TRAK1: variants seen among roughly 807,000 people sequenced by gnomAD.
The protein encoded by TRAK1 is trafficking kinesin protein 1, also known as trafficking kinesin-binding protein 1.
A neutral mutation model predicts 92.1 loss-of-function variants in TRAK1; 33 were observed. The ratio of observed to expected loss-of-function variants is 0.36; its 90% CI spans 0.27 to 0.48. The LOEUF is 0.48. TRAK1 is among the 20% of genes least tolerant of loss of function. The pLI, the probability that TRAK1 is intolerant of heterozygous loss-of-function variation, is 0.99. For synonymous variants in TRAK1, 521 were observed against 517.3 expected, an observed-to-expected ratio of 1.01 and a Z score of -0.10; for missense variants, 1,123 against 1,257.9, an observed-to-expected ratio of 0.89 and a Z score of 1.62.
intron 1 of TRAK1, among the ~76,000 whole-genome samples, chr3:42,071,339 G>A (rs1034157427): frequency 6.6e-6 from 1 of 152,182 alleles, no homozygotes; most frequent in South Asian, 2.1e-4. Flanking sequence ...GCTGTTTTTG[G>A]GTGGATAAGG....
chr3:42,055,095 T>G (rs933440993), intron 1 of TRAK1, among the ~76,000 whole-genome samples: 1 of 152,000 alleles, frequency 6.6e-6, no homozygotes, highest in East Asian at 1.9e-4. Context: ...AATTTTTGTA[T>G]TTTTAGTAGA....
chr3:42,037,053 C>G (rs1459913881), intron 1 of TRAK1, among the ~76,000 whole-genome samples: 1 of 152,062 alleles, frequency 6.6e-6, no homozygotes, highest in African/African-American at 2.4e-5. Context: ...ATCTCATACT[C>G]TTAGGCTCCA....
At chr3:42,200,675 G>A in intron 11 of TRAK1, 143 bp from the exon 12 acceptor site, 1 of 761,648 alleles carries the variant, frequency 1.3e-6, no homozygotes, top group Non-Finnish European at 2.2e-6. Context: ...CTAAGAAACA[G>A]GTGGCAGGCA....
At chr3:42,067,897 C>T (rs1220157381) in intron 1 of TRAK1, among the ~76,000 whole-genome samples, 5 of 152,070 alleles carry the variant, frequency 3.3e-5, no homozygotes, top group South Asian at 2.1e-4. Flanking sequence ...TATGGCCAGG[C>T]GCAGTGGGTC....
chr3:42,043,658 G>C (rs899808735), intron 1 of TRAK1, among the ~76,000 whole-genome samples: 2 of 151,944 alleles, frequency 1.3e-5, no homozygotes, highest in African/African-American at 2.4e-5. Context: ...GGTTTTCATG[G>C]TCTCAGGCAG....
intron 14 of TRAK1, chr3:42,218,658 TC>T: frequency 1.0e-6 from 1 of 985,406 alleles, no homozygotes; most frequent in Middle Eastern, 5.2e-4. Flanking sequence ...CATGATTTAA[TC>T]TGCTGCAGAC....
At chr3:42,193,047 T>G (rs1189812869) in intron 7 of TRAK1, 28 bp from the exon 8 acceptor site, 2 of 1,611,966 alleles carry the variant, frequency 1.2e-6, no homozygotes, top group Non-Finnish European at 1.7e-6. Flanking sequence ...TCTGACTTCC[T>G]CTCCTGATTG....
At chr3:42,176,674 A>G (rs1576805120) in intron 2 of TRAK1, 140 bp from the exon 3 acceptor site, 1 of 735,610 alleles carries the variant, frequency 1.4e-6, no homozygotes, top group South Asian at 1.7e-5. Flanking sequence ...TGGTGAGTAC[A>G]TTGCGGGTTG....
intron 14 of TRAK1, 71 bp from the exon 15 acceptor site, chr3:42,219,423 C>G (rs1190387268): frequency 1.9e-6 from 3 of 1,611,340 alleles, no homozygotes; most frequent in African/African-American, 2.7e-5. Flanking sequence ...TGTTGAGTGA[C>G]ATGCTGGATT....
At position 42,125,759 on chromosome 3, in the gene TRAK1, G is replaced by C. The variant is rs935213245; in HGVS notation, c.286+145G>C. The C allele has an allele frequency of 2.1e-5, 18 of 856,078 alleles. No homozygotes were observed. The African/African-American group carries it at 2.9e-4, about 14-fold the overall frequency. 53.0% of individuals were successfully genotyped at this position (856,078 alleles called of 1,614,324 possible). The stretch of plus-strand genomic sequence containing the variant: ...TAGTCAAAGAAATGCGGCTGTAGGG[G>C]TTAACCGCACAAAAGGTCCCAATTT... On this transcript the variant is annotated intron_variant, in intron 2 of 15. Coordinates refer to ENST00000327628, the MANE Select transcript of TRAK1 (RefSeq NM_001042646.3).
chr3:42,064,043 A>G (rs779872048), intron 1 of TRAK1, among the ~76,000 whole-genome samples: 4 of 152,226 alleles, frequency 2.6e-5, no homozygotes, highest in Non-Finnish European at 4.4e-5. Context: ...AGGCCCAGTC[A>G]TCCCTTTCAG....
chr3:42,027,935 C>T (rs1048885465), intron 1 of TRAK1, among the ~76,000 whole-genome samples: 11 of 152,194 alleles, frequency 7.2e-5, no homozygotes, highest in Non-Finnish European at 1.3e-4. Flanking sequence ...CTGCAACCTC[C>T]GCCTCCTGAG....
At chr3:42,191,466 C>T in intron 6 of TRAK1, 92 bp from the exon 7 acceptor site, 1 of 1,147,630 alleles carries the variant, frequency 8.7e-7, no homozygotes, top group Non-Finnish European at 1.2e-6. Flanking sequence ...GCTTCCCAGA[C>T]CCCAGTTAGC....
chr3:42,152,529 TAGG>T (rs753830687), intron 2 of TRAK1, among the ~76,000 whole-genome samples: 7 of 152,204 alleles, frequency 4.6e-5, no homozygotes, highest in Non-Finnish European at 1.0e-4. Flanking sequence ...CACATCAGAC[TAGG>T]AGAAGTCCTG....
In TRAK1 at chr3:42,202,216, C is replaced by T. The variant is rs550650384; in HGVS notation, c.1428-220C>T. The stretch of plus-strand genomic sequence containing the variant: ...GTGCAGATATTCATCCCACCTTAGT[C>T]CTCACCCCACCTCAACCCCACTAAA... On this transcript the variant is annotated intron_variant, in intron 12 of 15. Coordinates refer to ENST00000327628, the MANE Select transcript of TRAK1 (RefSeq NM_001042646.3). This position sits in a 1 kb window ranked among gnomAD's most constrained non-coding sequence, Gnocchi z 6.1. 1.3e-5 allele frequency among the ~76,000 whole-genome samples: 2 copies of T among 152,114 alleles called. No individual in the cohort carries two copies. Among genetic ancestry groups the T allele is most frequent in the Admixed American group, 6.5e-5 (1 of 15,272 alleles).
At chr3:42,030,458 A>T (rs1702088108) in intron 1 of TRAK1, among the ~76,000 whole-genome samples, 1 of 150,040 alleles carries the variant, frequency 6.7e-6, no homozygotes, top group Non-Finnish European at 1.5e-5. Context: ...GGATCACTTG[A>T]GGTCAGGAGT....
intron 1 of TRAK1, among the ~76,000 whole-genome samples, chr3:42,105,789 A>G (rs1480815096): frequency 2.0e-5 from 3 of 152,246 alleles, no homozygotes; most frequent in African/African-American, 7.2e-5. Flanking sequence ...GTTACCCACA[A>G]AGGGAAGCCC....
chr3:42,126,234 G>T (rs1252440416), intron 2 of TRAK1, among the ~76,000 whole-genome samples: 1 of 152,008 alleles, frequency 6.6e-6, no homozygotes, highest in African/African-American at 2.4e-5. Flanking sequence ...AAACTCACTG[G>T]GAAGGTGTTT....
At chr3:42,121,970 G>A (rs918877076) in intron 1 of TRAK1, among the ~76,000 whole-genome samples, 2 of 151,938 alleles carry the variant, frequency 1.3e-5, no homozygotes, top group East Asian at 1.9e-4. Context: ...AGCGTGCGCC[G>A]CTATGCCTGG....
Sources: gnomAD v4.1 joint callset for allele counts (sites outside exome capture counted in the v4.1 genomes callset) on GRCh38, gnomAD v4.1.1 for gene constraint, Gnocchi (gnomAD v3.1) non-coding constraint, MANE v1.5 for transcripts, NCBI Gene and HGNC (gene_info 2026-07-23, HGNC 2026-07-21) for gene names.